Variants in KMT5B observed in about 807,000 individuals in gnomAD.
KMT5B encodes the protein histone-lysine N-methyltransferase KMT5B.
KMT5B carries 10 observed loss-of-function variants against 83.2 expected under a neutral mutation model. The observed-to-expected ratio is 0.12, with a 90% CI of 0.07 to 0.20. KMT5B has a LOEUF of 0.20. KMT5B is among the 10% of genes least tolerant of loss of function. KMT5B has a pLI of 1.00. For missense variants in KMT5B, 753 were observed against 1,067.2 expected (o/e 0.71, Z 4.10); for synonymous variants, 349 against 388.8 (o/e 0.90, Z 1.20).
In KMT5B at chr11:68,213,234, C is replaced by T. The variant is rs925107579; in HGVS notation, c.-173G>A. On this transcript the variant is annotated 5_prime_UTR_variant, in exon 1 of 11. Transcript: ENST00000304363. The stretch of plus-strand genomic sequence containing the variant: ...GCGCCGCCGGGCCCCGCGTCCCAGT[C>T]CCCCCCAGAAAATTAATCACCAAAA... 9.6e-5 allele frequency: 14 copies of T among 145,592 alleles called. No individual in the cohort carries two copies. The highest frequency in any genetic ancestry group is 8.0e-4 in the East Asian group (4 of 5,028). 9.0% of individuals were successfully genotyped at this position (145,592 alleles called of 1,614,324 possible).
chr11:68,171,327 A>T lies in KMT5B; in HGVS notation c.821-76T>A. On this transcript the variant is annotated intron_variant, in intron 7 of 10. Transcript: ENST00000304363. The surrounding 1 kb of genome is among the most constrained non-coding windows in gnomAD (Gnocchi z 5.1). ...ACACGAACAATTATAGAAATCTGAA[A>T]TAAGCTTTCCATATAACTTTACAAC... 1.3e-6 allele frequency: 2 copies of T among 1,545,130 alleles called. No individual in the cohort carries two copies. The highest frequency in any genetic ancestry group is 2.3e-5 in the South Asian group (2 of 85,506).
chr11:68,171,354 T>C lies in KMT5B; in HGVS notation c.821-103A>G. On this transcript the variant is annotated intron_variant, in intron 7 of 10. Coordinates refer to ENST00000304363, the MANE Select transcript of KMT5B (RefSeq NM_017635.5). The surrounding 1 kb of genome is among the most constrained non-coding windows in gnomAD (Gnocchi z 5.1). The stretch of plus-strand genomic sequence containing the variant: ...AAGCTTTCCATATAACTTTACAACT[T>C]TTGATAGGAGTTTAGGTCTCAAGTT... 7.0e-7 allele frequency: 1 copy of C among 1,432,888 alleles called. No homozygotes were observed. Among genetic ancestry groups the C allele is most frequent in the Non-Finnish European group, 9.6e-7 (1 of 1,039,362 alleles). 88.8% of individuals were successfully genotyped at this position (1,432,888 alleles called of 1,614,324 possible).
At chr11:68,168,782 G>A (rs1855563950) in intron 9 of KMT5B, among the ~76,000 whole-genome samples, 2 of 152,150 alleles carry the variant, frequency 1.3e-5, no homozygotes, top group East Asian at 1.9e-4. Flanking sequence ...ACGTGATTCC[G>A]TCCATTCTCA....
intron 2 of KMT5B, among the ~76,000 whole-genome samples, chr11:68,188,260 A>G (rs1428817646): frequency 4.0e-5 from 6 of 151,664 alleles, no homozygotes; most frequent in Non-Finnish European, 8.8e-5. Context: ...TCCTGACCTC[A>G]TGATCCACCC....
intron 3 of KMT5B, 25 bp downstream of exon 3, chr11:68,185,756 A>T: frequency 6.2e-7 from 1 of 1,603,158 alleles, no homozygotes; most frequent in Non-Finnish European, 8.5e-7. Context: ...CATCTGTTCC[A>T]TTCAGGATAA....
chr11:68,181,022 CAT>C (rs1856865824), intron 3 of KMT5B, among the ~76,000 whole-genome samples: 1 of 151,752 alleles, frequency 6.6e-6, no homozygotes, highest in African/African-American at 2.4e-5. Context: ...GCACTCAAAA[CAT>C]AGCCAGTTTT....
chr11:68,185,180 T>C (rs1185419022), intron 3 of KMT5B, among the ~76,000 whole-genome samples: 1 of 152,170 alleles, frequency 6.6e-6, no homozygotes, highest in Non-Finnish European at 1.5e-5. Flanking sequence ...GCTTGTCAGA[T>C]TTTTCTTTTC....
In KMT5B at chr11:68,209,850, T is replaced by C. The variant is rs187760061; in HGVS notation, c.-77+3288A>G. Among the ~76,000 whole-genome samples, 4 of 150,974 alleles carry C rather than the reference T, an allele frequency of 2.6e-5. No homozygotes were observed. In the East Asian group the frequency reaches 7.8e-4, roughly 29 times the overall value. ...CCAGCAAATGATCCCCGGATCTAGG[T>C]ACTGTTTTCTTTCCCCCTTTTTTTT... On this transcript the variant is annotated intron_variant, in intron 1 of 10. Coordinates refer to ENST00000304363, the MANE Select transcript of KMT5B (RefSeq NM_017635.5).
At chr11:68,195,837 ATG>A (rs2153078551) in intron 1 of KMT5B, among the ~76,000 whole-genome samples, 1 of 152,234 alleles carries the variant, frequency 6.6e-6, no homozygotes, top group Admixed American at 6.5e-5. Flanking sequence ...ATATGTGTAA[ATG>A]TGTGTATACT....
chr11:68,197,919 T>C (rs1858915752), intron 1 of KMT5B, among the ~76,000 whole-genome samples: 2 of 152,168 alleles, frequency 1.3e-5, no homozygotes, highest in African/African-American at 4.8e-5. Flanking sequence ...TTGGGGGCTA[T>C]TTAAAAAAAT....
intron 6 of KMT5B, among the ~76,000 whole-genome samples, chr11:68,173,504 G>A (rs1856047095): frequency 6.6e-6 from 1 of 152,128 alleles, no homozygotes; most frequent in Admixed American, 6.5e-5. Flanking sequence ...ACTGACTGTG[G>A]AAGCCAGGTT....
chr11:68,213,108 T>C (rs1400212619), intron 1 of KMT5B, 30 bp downstream of exon 1: 1 of 36,772 alleles, frequency 2.7e-5, no homozygotes, highest in South Asian at 8.3e-4. Flanking sequence ...CCGCACACCC[T>C]CGCCGGCGCC....
At chr11:68,180,984 G>A (rs1856861426) in intron 3 of KMT5B, among the ~76,000 whole-genome samples, 1 of 151,982 alleles carries the variant, frequency 6.6e-6, no homozygotes, top group Non-Finnish European at 1.5e-5. Context: ...GTTAGTAAAT[G>A]TAAGGATATA....
At chr11:68,206,384 C>A (rs1860114072) in intron 1 of KMT5B, among the ~76,000 whole-genome samples, 1 of 152,146 alleles carries the variant, frequency 6.6e-6, no homozygotes, top group African/African-American at 2.4e-5. Context: ...AGAAGTACAT[C>A]AAAGATTTTT....
At chr11:68,173,764 TTTAAA>T in intron 6 of KMT5B, 35 bp downstream of exon 6, 1 of 1,291,928 alleles carries the variant, frequency 7.7e-7, no homozygotes, top group South Asian at 1.3e-5. Flanking sequence ...AGAAGAGAAC[TTTAAA>T]TTAAATTAAA....
At chr11:68,207,683 C>T (rs1279569484) in intron 1 of KMT5B, among the ~76,000 whole-genome samples, 8 of 147,418 alleles carry the variant, frequency 5.4e-5, no homozygotes, top group South Asian at 2.3e-4. Context: ...CCCAGCTACT[C>T]GGGAGGCTGA....
chr11:68,193,401 A>G (rs1240927632), intron 1 of KMT5B, among the ~76,000 whole-genome samples: 1 of 152,210 alleles, frequency 6.6e-6, no homozygotes, highest in East Asian at 1.9e-4. Flanking sequence ...ACACAAACAC[A>G]AAACATGAAT....
intron 4 of KMT5B, 93 bp downstream of exon 4, chr11:68,180,039 G>C: frequency 7.3e-7 from 1 of 1,376,866 alleles, no homozygotes; most frequent in Non-Finnish European, 9.8e-7. Flanking sequence ...TCTAATTTAT[G>C]CTGACACTTC....
At chr11:68,163,286 C>T (rs919712305) in intron 10 of KMT5B, among the ~76,000 whole-genome samples, 3 of 152,150 alleles carry the variant, frequency 2.0e-5, no homozygotes, top group African/African-American at 7.2e-5. Context: ...GAAGGGAAAG[C>T]GATTAAAGCT....
Sources: gnomAD v4.1 joint callset for allele counts (sites outside exome capture counted in the v4.1 genomes callset) on GRCh38, gnomAD v4.1.1 for gene constraint, Gnocchi (gnomAD v3.1) non-coding constraint, MANE v1.5 for transcripts, NCBI Gene and HGNC (gene_info 2026-07-23, HGNC 2026-07-21) for gene names.